Variants in CECR2 observed in about 807,000 individuals in gnomAD.
CECR2 encodes CECR2 histone acetyl-lysine reader.
CECR2 carries 30 observed loss-of-function variants against 154.5 expected under a neutral mutation model. That is an observed-to-expected ratio of 0.19 (90% CI 0.15 to 0.26). The LOEUF (loss-of-function observed/expected upper bound fraction) is 0.26. CECR2 is among the 10% of genes least tolerant of loss of function. CECR2 has a pLI of 1.00. For synonymous variants in CECR2, 725 were observed against 683.7 expected, an observed-to-expected ratio of 1.06 and a Z score of -0.94; for missense variants, 1,743 against 1,829.3, an observed-to-expected ratio of 0.95 and a Z score of 0.86.
chr22:17,442,896 A>G (rs1324886485), intron 1 of CECR2, among the ~76,000 whole-genome samples: 2 of 152,158 alleles, frequency 1.3e-5, no homozygotes, highest in East Asian at 3.9e-4. Context: ...AATCATTCAC[A>G]TTTTTGCTTC....
At chr22:17,522,942 C>T (rs2056182333) in intron 8 of CECR2, among the ~76,000 whole-genome samples, 1 of 150,670 alleles carries the variant, frequency 6.6e-6, no homozygotes, top group Non-Finnish European at 1.5e-5. Context: ...GAGGCAGTGT[C>T]TGCAGTAAGC....
chr22:17,550,001 T>C (rs1483486777), intron 17 of CECR2, among the ~76,000 whole-genome samples: 2 of 151,484 alleles, frequency 1.3e-5, no homozygotes, highest in Admixed American at 6.6e-5. Context: ...AAAAAAAATA[T>C]GTGAATTATT....
At chr22:17,385,307 A>G (rs2063245624) in intron 1 of CECR2, among the ~76,000 whole-genome samples, 1 of 152,224 alleles carries the variant, frequency 6.6e-6, no homozygotes, top group African/African-American at 2.4e-5. Flanking sequence ...TTCAGCTTTC[A>G]GCACGCCTTC....
chr22:17,389,883 G>C (rs761950057), intron 1 of CECR2, among the ~76,000 whole-genome samples: 60 of 151,928 alleles, frequency 3.9e-4, no homozygotes, highest in African/African-American at 1.5e-3. Context: ...CCACCTCGGC[G>C]TCCCAAAATG....
chr22:17,402,347 T>C (rs2053907362), intron 1 of CECR2, among the ~76,000 whole-genome samples: 1 of 152,230 alleles, frequency 6.6e-6, no homozygotes, highest in South Asian at 2.1e-4. Flanking sequence ...ATAGAATAGT[T>C]ACAATGACAG....
intron 1 of CECR2, among the ~76,000 whole-genome samples, chr22:17,363,059 T>C (rs112817155): frequency 6.6e-6 from 1 of 151,166 alleles, no homozygotes; most frequent in Non-Finnish European, 1.5e-5. Flanking sequence ...TTTTTTTTTT[T>C]GTTTTTTTGA....
intron 5 of CECR2, among the ~76,000 whole-genome samples, chr22:17,502,153 T>A (rs1383519979): frequency 6.6e-6 from 1 of 152,188 alleles, no homozygotes; most frequent in East Asian, 1.9e-4. Flanking sequence ...ATTTTGTCAT[T>A]TAATCTCCAA....
At chr22:17,462,990 C>T (rs2054967373) in intron 1 of CECR2, among the ~76,000 whole-genome samples, 1 of 152,212 alleles carries the variant, frequency 6.6e-6, no homozygotes, top group Non-Finnish European at 1.5e-5. Flanking sequence ...GACAAAGCTC[C>T]TCAAGGGGTT....
intron 9 of CECR2, among the ~76,000 whole-genome samples, chr22:17,534,245 A>G (rs897653567): frequency 2.0e-5 from 3 of 152,018 alleles, no homozygotes; most frequent in Admixed American, 6.6e-5. Flanking sequence ...AGGATCCGTT[A>G]TGCACAGGAG....
chr22:17,384,894 ATCC>A (rs1376423427), intron 1 of CECR2, among the ~76,000 whole-genome samples: 1 of 152,220 alleles, frequency 6.6e-6, no homozygotes, highest in African/African-American at 2.4e-5. Flanking sequence ...TTGTGTATTC[ATCC>A]TCGTTAATGA....
chr22:17,532,167 A>T (rs2056365485), intron 9 of CECR2, among the ~76,000 whole-genome samples: 1 of 152,120 alleles, frequency 6.6e-6, no homozygotes, highest in Non-Finnish European at 1.5e-5. Context: ...ACCCTGTCTC[A>T]AAAAAAGGAA....
intron 1 of CECR2, among the ~76,000 whole-genome samples, chr22:17,469,600 T>TG (rs1398888168): frequency 7.2e-6 from 1 of 138,662 alleles, no homozygotes; most frequent in East Asian, 2.1e-4. Context: ...ATTGTTTTTT[T>TG]TTTTTTTTTC....
At chr22:17,362,845 T>C (rs925573869) in intron 1 of CECR2, among the ~76,000 whole-genome samples, 4 of 138,872 alleles carry the variant, frequency 2.9e-5, no homozygotes, top group Admixed American at 8.2e-5. Flanking sequence ...GAGGTTGCAG[T>C]GAGCCGAGAT....
Position 17,540,634 on chromosome 22 carries a change from G to T in CECR2, c.1718G>T (p.Gly573Val), listed in dbSNP as rs1299256152. The change falls in exon 14 of 19, where the codon GGA (glycine) becomes GTA (valine). Residue 573 changes from glycine to valine, a missense_variant. Coordinates refer to ENST00000262608, the MANE Select transcript of CECR2 (RefSeq NM_001290047.2). Reference protein sequence around the residue: ...SSRKQQPMENGGKSLPPTRRA... With the variant: ...SSRKQQPMENVGKSLPPTRRA... ...AGGAAACAGCAGCCCATGGAGAATG[G>T]AGGAAAGTCGTTGCCCCCCACACGC... 6.2e-7 allele frequency: 1 copy of T among 1,613,792 alleles called. No homozygotes were observed. Among genetic ancestry groups the T allele is most frequent in the Admixed American group, 1.7e-5 (1 of 59,974 alleles).
In CECR2 at chr22:17,553,514, C is replaced by A. The variant is rs1363770622; in HGVS notation, c.*674C>A. The A allele has an allele frequency of 6.6e-6, 1 of 152,214 alleles. No homozygotes were observed. The highest frequency in any genetic ancestry group is 1.5e-5 in the Non-Finnish European group (1 of 68,096). 9.4% of individuals were successfully genotyped at this position (152,214 alleles called of 1,614,324 possible). A position where few individuals can be genotyped will look rare whatever the true frequency, so the allele number is the denominator to read the frequency against. ...ATCTTGTAATATGTCACTGTGTTTC[C>A]TTAGTGGCCAGCCAGCCTTCAGAAT... On this transcript the variant is annotated 3_prime_UTR_variant, in exon 19 of 19. Coordinates refer to ENST00000262608, the MANE Select transcript of CECR2 (RefSeq NM_001290047.2).
Position 17,381,135 on chromosome 22 carries a change from C to T in CECR2, c.126+11226C>T, listed in dbSNP as rs1035582044. Reference sequence around the variant, plus strand: ...GGAAGGTGCTTTAAAGAAAAAATTTCACCTGTTGTCATAATAAAGGAATTT... The same window carrying T: ...GGAAGGTGCTTTAAAGAAAAAATTTTACCTGTTGTCATAATAAAGGAATTT... On this transcript the variant is annotated intron_variant, in intron 1 of 18. Coordinates refer to ENST00000262608, the MANE Select transcript of CECR2 (RefSeq NM_001290047.2). 2.6e-5 allele frequency among the ~76,000 whole-genome samples: 4 copies of T among 152,166 alleles called. No individual in the cohort carries two copies. In the East Asian group the frequency reaches 7.7e-4, roughly 29 times the overall value.
chr22:17,542,752 T>A lies in CECR2; in HGVS notation c.2609T>A (p.Leu870His). 1 of 1,614,016 alleles carries A rather than the reference T, an allele frequency of 6.2e-7. No individual in the cohort carries two copies. The highest frequency in any genetic ancestry group is 8.5e-7 in the Non-Finnish European group (1 of 1,179,888). Residue 870 changes from leucine to histidine, a missense_variant, in exon 16 of 19, where the codon CTT (leucine) becomes CAT (histidine). Physicochemically the swap from Leu to His is moderately conservative, Grantham distance 99. Around this residue, in one of 4 missense-constraint regions of CECR2, gnomAD observed 1,250 missense variants for 1,192.1 expected, o/e 1.05. Transcript: ENST00000262608. Reference protein sequence around the residue: ...SSLFGAPAQALRGVQGGDSMM... With the variant: ...SSLFGAPAQAHRGVQGGDSMM... ...TTGTTTGGAGCACCTGCCCAGGCTCTTCGGGGGGTGCAGGGAGGGGACTCC... is the reference window on the plus strand; with the variant it reads ...TTGTTTGGAGCACCTGCCCAGGCTCATCGGGGGGTGCAGGGAGGGGACTCC...
At chr22:17,520,501 T>G (rs1294993660) in intron 8 of CECR2, among the ~76,000 whole-genome samples, 1 of 152,126 alleles carries the variant, frequency 6.6e-6, no homozygotes, top group East Asian at 1.9e-4. Context: ...TACATACATG[T>G]GCCATGTTGG....
chr22:17,450,220 AG>A (rs2054746374), intron 1 of CECR2, among the ~76,000 whole-genome samples: 1 of 152,216 alleles, frequency 6.6e-6, no homozygotes, highest in Non-Finnish European at 1.5e-5. Context: ...TTTGAGGAAA[AG>A]TAATTTGTTG....
Sources: allele counts gnomAD v4.1 joint callset (sites outside exome capture counted in the v4.1 genomes callset), GRCh38; gene constraint gnomAD v4.1.1; regional missense constraint gnomAD v4.1.1; transcripts MANE v1.5; gene names NCBI Gene and HGNC (gene_info 2026-07-23, HGNC 2026-07-21).